BRF1: variants seen among roughly 807,000 people sequenced by gnomAD.
BRF1 encodes BRF1 general transcription factor IIIB subunit, also known as transcription factor IIIB 90 kDa subunit.
BRF1 carries 59 observed loss-of-function variants against 81.7 expected under a neutral mutation model. The ratio of observed to expected loss-of-function variants is 0.72; its 90% CI spans 0.59 to 0.90. BRF1 has a LOEUF of 0.90. Ranked by LOEUF, BRF1 falls within the 40% of genes least tolerant of loss-of-function variation. BRF1 has a pLI of 0.00. For synonymous variants in BRF1, 491 were observed against 395.6 expected, an observed-to-expected ratio of 1.24 and a Z score of -2.86; for missense variants, 1,050 against 936.3, an observed-to-expected ratio of 1.12 and a Z score of -1.58.
At position 105,299,264 on chromosome 14, in the gene BRF1, G is replaced by A. The variant is rs188754597; in HGVS notation, c.184+1182C>T. ...AAGAACTCCCAAAACTCAACAATAA[G>A]AAAACAACCCAAATAAAAAATGAGA... On this transcript the variant is annotated intron_variant, in intron 1 of 17. Transcript: ENST00000547530. 3.0e-3 allele frequency among the ~76,000 whole-genome samples: 455 copies of A among 151,888 alleles called. 1 individual carries two copies. The highest frequency in any genetic ancestry group is 0.01 in the African/African-American group (428 of 41,434).
chr14:105,248,918 A>T, intron 5 of BRF1: 1 of 982,134 alleles, frequency 1.0e-6, no homozygotes, highest in Non-Finnish European at 1.2e-6. Context: ...CCGCGGACCT[A>T]GCCAACAGCA....
Position 105,220,180 on chromosome 14 carries a change from G to A in BRF1, c.1316-50C>T, listed in dbSNP as rs144587697. The A allele has an allele frequency of 1.1e-3, 1,790 of 1,608,572 alleles. 19 individuals are homozygous for A. The African/African-American group carries it at 0.02, about 18-fold the overall frequency. On this transcript the variant is annotated intron_variant, in intron 11 of 17. Coordinates refer to ENST00000547530, the MANE Select transcript of BRF1 (RefSeq NM_001519.4). Reference sequence around the variant, plus strand: ...TCACTCAGGGCCAGCACTGATTATAGGAGCGTGGCCACCACCTGGGCTGGC... The same window carrying A: ...TCACTCAGGGCCAGCACTGATTATAAGAGCGTGGCCACCACCTGGGCTGGC...
intron 4 of BRF1, among the ~76,000 whole-genome samples, chr14:105,254,165 T>G (rs1024758853): frequency 6.6e-6 from 1 of 152,250 alleles, no homozygotes; most frequent in Admixed American, 6.5e-5. Context: ...CAATGAGACC[T>G]GAACACTGCA....
rs751677070 is a variant in BRF1 at position 105,249,991 on chromosome 14, G to A, written c.544+2516C>T. ...CCGTCCTGAACTGGGCCGAGGCGGA[G>A]TGCAAGAGGCAGGGGCTGCCAATCA... is the stretch of plus-strand genomic sequence containing the variant. On this transcript the variant is annotated intron_variant, in intron 5 of 17. Coordinates refer to ENST00000547530, the MANE Select transcript of BRF1 (RefSeq NM_001519.4). 31 of 1,612,740 alleles carry A rather than the reference G, an allele frequency of 1.9e-5. No homozygotes were observed. In the South Asian group the frequency reaches 2.3e-4, roughly 12 times the overall value.
In BRF1 at chr14:105,221,854, A is replaced by C. The variant is rs1595283052; in HGVS notation, c.1109T>G (p.Leu370Arg). The change falls in exon 11 of 18, where the codon CTG (leucine) becomes CGG (arginine). Residue 370 changes from leucine to arginine, a missense_variant. Coordinates refer to ENST00000547530, the MANE Select transcript of BRF1 (RefSeq NM_001519.4). ...CGEEDTEDEE[L>R]EAAASHLNKD... ...GTTCAGGTGGCTGGCCGCGGCTTCC[A>C]GCTCCTCGTCCTCTGTGTCCTCCTC... 6.2e-7 allele frequency: 1 copy of C among 1,605,194 alleles called. No homozygotes were observed. Among genetic ancestry groups the C allele is most frequent in the Non-Finnish European group, 8.5e-7 (1 of 1,176,538 alleles).
intron 5 of BRF1, among the ~76,000 whole-genome samples, chr14:105,244,568 G>A (rs951144833): frequency 8.5e-5 from 13 of 152,124 alleles, no homozygotes; most frequent in Non-Finnish European, 1.3e-4. Flanking sequence ...AGAGCGGCAC[G>A]GGACAGGCAT....
At chr14:105,228,674 G>T (rs989065290) in intron 7 of BRF1, 146 bp downstream of exon 7, 1 of 849,228 alleles carries the variant, frequency 1.2e-6, no homozygotes, top group Middle Eastern at 2.9e-4. Flanking sequence ...AAGCCATAGT[G>T]TGACCGGGGC....
chr14:105,212,188 C>T (rs772572837), intron 15 of BRF1, 24 bp from the exon 16 acceptor site: 17 of 1,606,694 alleles, frequency 1.1e-5, no homozygotes, highest in Middle Eastern at 1.6e-4. Context: ...CACAGCATGG[C>T]GGCCTCAGCC....
In BRF1 at chr14:105,229,017, C is replaced by A. The variant is rs2054272947; in HGVS notation, c.695-104G>T. On this transcript the variant is annotated intron_variant, in intron 6 of 17. Coordinates refer to ENST00000547530, the MANE Select transcript of BRF1 (RefSeq NM_001519.4). ...CGGATCCCGGTCACGGAGATGATGG[C>A]CTGAGAAGACGTGTCTGTGCCAGGC... 1.6e-5 allele frequency: 17 copies of A among 1,030,576 alleles called. No individual in the cohort carries two copies. In the South Asian group the frequency reaches 2.2e-4, roughly 13 times the overall value. The allele number at this position is 1,030,576 out of a possible 1,614,324, so 63.8% of individuals were successfully genotyped here. A position where few individuals can be genotyped will look rare whatever the true frequency, so the allele number is the denominator to read the frequency against.
At chr14:105,215,211 GACAC>G (rs201018880) in intron 15 of BRF1, among the ~76,000 whole-genome samples, 2 of 151,382 alleles carry the variant, frequency 1.3e-5, no homozygotes, top group South Asian at 2.1e-4. Context: ...AGAGACTTAA[GACAC>G]ACACACACGC....
chr14:105,257,631 C>T (rs1056276642), intron 3 of BRF1, among the ~76,000 whole-genome samples: 1 of 152,118 alleles, frequency 6.6e-6, no homozygotes, highest in African/African-American at 2.4e-5. Flanking sequence ...CGGGCAGGAC[C>T]GACTGCAGCA....
intron 5 of BRF1, chr14:105,249,538 T>C: frequency 4.4e-6 from 7 of 1,599,812 alleles, no homozygotes; most frequent in Non-Finnish European, 6.0e-6. Context: ...TCCGGAGGCT[T>C]CTGAAGGGAA....
intron 2 of BRF1, 28 bp from the exon 3 acceptor site, chr14:105,272,922 G>A: frequency 6.4e-7 from 1 of 1,553,940 alleles, no homozygotes; most frequent in Non-Finnish European, 8.7e-7. Flanking sequence ...GCAGCTCTTA[G>A]CCAAATGTTC....
intron 5 of BRF1, chr14:105,242,296 T>G (rs1434307298): frequency 6.6e-6 from 1 of 152,048 alleles, no homozygotes; most frequent in Non-Finnish European, 1.5e-5. Context: ...CAACTAAAGA[T>G]AAAAACCAAT....
intron 1 of BRF1, among the ~76,000 whole-genome samples, chr14:105,312,065 C>T (rs898865626): frequency 4.6e-5 from 7 of 152,342 alleles, no homozygotes; most frequent in Admixed American, 3.3e-4. Flanking sequence ...GCCCCTCCCC[C>T]ACTCCCCGAC....
At chr14:105,290,478 A>G (rs1329789525) in intron 1 of BRF1, among the ~76,000 whole-genome samples, 1 of 152,194 alleles carries the variant, frequency 6.6e-6, no homozygotes, top group East Asian at 1.9e-4. Context: ...GGGACGCCGT[A>G]CAGCCTCCAT....
chr14:105,263,856 C>T (rs933538013), intron 3 of BRF1, among the ~76,000 whole-genome samples: 1 of 150,112 alleles, frequency 6.7e-6, no homozygotes, highest in Non-Finnish European at 1.5e-5. Flanking sequence ...ACCTGGGAGG[C>T]GGAGCTTGCA....
At position 105,226,115 on chromosome 14, in the gene BRF1, G is replaced by A. The variant is rs1294388051; in HGVS notation, c.1002C>T (p.Asn334=). 2 of 1,613,834 alleles carry A rather than the reference G, an allele frequency of 1.2e-6. No individual in the cohort carries two copies. Among genetic ancestry groups the A allele is most frequent in the African/African-American group, 2.7e-5 (2 of 74,936 alleles). ...GGCCCCCCTTGGCCTTTGGCCGGCT[G>A]TTTTCTAGTTCAATCTCAATTGCAT... The part of the protein sequence containing the change: ...YQDAIEIELE[N]SRPKAKGGLA... Residue 334 remains asparagine (N), a synonymous_variant, in exon 10 of 18, where the codon AAC becomes AAT. Coordinates refer to ENST00000547530, the MANE Select transcript of BRF1 (RefSeq NM_001519.4).
chr14:105,212,450 C>A, intron 15 of BRF1: 1 of 420,420 alleles, frequency 2.4e-6, no homozygotes, highest in Non-Finnish European at 4.4e-6. Context: ...AGTGCCTGAG[C>A]CCTCAAGGAG....
Sources: gnomAD v4.1 joint callset for allele counts (sites outside exome capture counted in the v4.1 genomes callset) on GRCh38, gnomAD v4.1.1 for gene constraint, MANE v1.5 for transcripts, NCBI Gene and HGNC (gene_info 2026-07-23, HGNC 2026-07-21) for gene names.